The following CELF2 variants were observed in gnomAD, a reference collection of about 807,000 sequenced individuals.
CELF2 encodes CUG triplet repeat RNA-binding protein 2.
A neutral mutation model predicts 62.6 loss-of-function variants in CELF2; 8 were observed. That is an observed-to-expected ratio of 0.13 (90% confidence interval 0.07 to 0.23). The LOEUF is 0.23. CELF2 is among the 10% of genes least tolerant of loss of function. The pLI is 1.00. For synonymous variants in CELF2, 258 were observed against 250.0 expected, an observed-to-expected ratio of 1.03 and a Z score of -0.30; for missense variants, 333 against 671.0, an observed-to-expected ratio of 0.50 and a Z score of 5.56.
intron 1 of CELF2, among the ~76,000 whole-genome samples, chr10:10,912,472 C>T (rs969816859): frequency 6.6e-5 from 10 of 152,096 alleles, no homozygotes; most frequent in Non-Finnish European, 1.5e-4. Flanking sequence ...CAGGTTCAAG[C>T]GATTCTCCTG....
chr10:10,605,144 C>T, the CELF2 span, among the ~76,000 whole-genome samples: 20 of 152,114 alleles, frequency 1.3e-4, no homozygotes, highest in Admixed American at 7.9e-4. Context: ...AGCTGGAAGG[C>T]GTTATCCTCA....
chr10:10,484,551 A>G, the CELF2 span, among the ~76,000 whole-genome samples: 1 of 151,060 alleles, frequency 6.6e-6, no homozygotes, highest in Non-Finnish European at 1.5e-5. Context: ...TCCTGGACTT[A>G]AGTGATCCAC....
chr10:10,784,324 G>A, the CELF2 span: 1 of 152,450 alleles, frequency 6.6e-6, no homozygotes, highest in African/African-American at 2.4e-5. Flanking sequence ...CAGTCAGCGT[G>A]TTACAGTGCT....
the CELF2 span, among the ~76,000 whole-genome samples, chr10:10,647,368 T>C: frequency 3.9e-5 from 6 of 152,288 alleles, no homozygotes; most frequent in East Asian, 9.6e-4. Flanking sequence ...TGCCTTTACA[T>C]AAAAGCCGTT....
At chr10:11,197,033 G>GAAA (rs1362837603) in intron 2 of CELF2, among the ~76,000 whole-genome samples, 1 of 21,844 alleles carries the variant, frequency 4.6e-5, no homozygotes, top group African/African-American at 2.7e-4. Context: ...AGAAAAGAAA[G>GAAA]AAAGAAAGAA....
chr10:11,066,199 A>G (rs1044508245), intron 1 of CELF2, among the ~76,000 whole-genome samples: 1 of 152,146 alleles, frequency 6.6e-6, no homozygotes, highest in Non-Finnish European at 1.5e-5. Context: ...AGCTGGCTTC[A>G]TTGTGTGCCT....
the CELF2 span, among the ~76,000 whole-genome samples, chr10:10,738,992 G>A: frequency 6.6e-6 from 1 of 152,100 alleles, no homozygotes; most frequent in Non-Finnish European, 1.5e-5. Flanking sequence ...TGTGTACTGT[G>A]CTACCAACTT....
intron 9 of CELF2, among the ~76,000 whole-genome samples, chr10:11,303,634 C>A (rs1425143289): frequency 6.6e-6 from 1 of 152,176 alleles, no homozygotes; most frequent in African/African-American, 2.4e-5. Context: ...AAACACTAAG[C>A]CTCAGCTGAA....
At chr10:10,653,011 G>A in the CELF2 span, among the ~76,000 whole-genome samples, 1 of 152,084 alleles carries the variant, frequency 6.6e-6, no homozygotes, top group Non-Finnish European at 1.5e-5. Flanking sequence ...AAAATAAAAG[G>A]ATGGAGGAAG....
chr10:10,630,906 T>G, the CELF2 span, among the ~76,000 whole-genome samples: 1 of 152,154 alleles, frequency 6.6e-6, no homozygotes, highest in East Asian at 1.9e-4. Context: ...CCCATGCACA[T>G]TAAGGAGCTG....
intron 3 of CELF2, among the ~76,000 whole-genome samples, chr10:11,225,629 T>C (rs1159244891): frequency 6.6e-6 from 1 of 152,198 alleles, no homozygotes; most frequent in Non-Finnish European, 1.5e-5. Flanking sequence ...TTAGTACTCA[T>C]AATTTTTCCA....
the CELF2 span, among the ~76,000 whole-genome samples, chr10:10,756,257 A>T: frequency 6.6e-6 from 1 of 152,228 alleles, no homozygotes; most frequent in Non-Finnish European, 1.5e-5. Flanking sequence ...ATTCTCATAC[A>T]GCAGACCTTT....
intron 2 of CELF2, among the ~76,000 whole-genome samples, chr10:10,940,914 C>T (rs572494375): frequency 6.6e-6 from 1 of 152,228 alleles, no homozygotes; most frequent in Admixed American, 6.5e-5. Flanking sequence ...CAGTGAATTA[C>T]CCTGTAGTAC....
At chr10:10,621,243 CAAAAAAAAAAA>C in the CELF2 span, among the ~76,000 whole-genome samples, 3 of 45,348 alleles carry the variant, frequency 6.6e-5, no homozygotes, top group East Asian at 8.0e-4. Context: ...GACTCTGACT[CAAAAAAAAAAA>C]AAAAAAAAAA....
At chr10:10,613,077 G>A in the CELF2 span, among the ~76,000 whole-genome samples, 1 of 152,148 alleles carries the variant, frequency 6.6e-6, no homozygotes, top group East Asian at 1.9e-4. Context: ...CAAGGTGTAA[G>A]CATTGGAAAT....
intron 1 of CELF2, among the ~76,000 whole-genome samples, chr10:10,857,677 A>ATATATC (rs1229980107): frequency 1.4e-5 from 2 of 138,938 alleles, no homozygotes; most frequent in Middle Eastern, 3.5e-3. Context: ...ATATATATAT[A>ATATATC]TATATTTTAC....
chr10:10,919,129 A>G (rs1190160649), intron 1 of CELF2, among the ~76,000 whole-genome samples: 1 of 152,080 alleles, frequency 6.6e-6, no homozygotes, highest in East Asian at 1.9e-4. Flanking sequence ...AGTTAGCTGC[A>G]CGTGGTGGCA....
Position 11,257,703 on chromosome 10 carries a change from A to G in CELF2, c.404-35A>G, listed in dbSNP as rs201085847. 121 of 1,605,744 alleles carry G rather than the reference A, an allele frequency of 7.5e-5. 1 individual carries two copies. The South Asian group carries it at 1.2e-3, about 16-fold the overall frequency. Reference sequence around the variant, plus strand: ...ATTGATTACAAGAAAAAAAGATGAAATGGCCTTTGCTCATTCGTTATTTTT... The same window carrying G: ...ATTGATTACAAGAAAAAAAGATGAAGTGGCCTTTGCTCATTCGTTATTTTT... On this transcript the variant is annotated intron_variant, in intron 4 of 12. Coordinates refer to ENST00000633077, the MANE Select transcript of CELF2 (RefSeq NM_001326342.2).
intron 1 of CELF2, among the ~76,000 whole-genome samples, chr10:11,058,472 T>G (rs1158424877): frequency 1.4e-5 from 2 of 146,502 alleles, no homozygotes; most frequent in South Asian, 2.3e-4. Context: ...TTTTTTTTTT[T>G]TTTTTTTTTT....
Sources: allele counts gnomAD v4.1 joint callset (sites outside exome capture counted in the v4.1 genomes callset), GRCh38; gene constraint gnomAD v4.1.1; transcripts MANE v1.5; gene names NCBI Gene and HGNC (gene_info 2026-07-23, HGNC 2026-07-21).